Variants in TRPC4 observed in about 807,000 individuals in gnomAD.
TRPC4 encodes the protein transient receptor potential cation channel subfamily C member 4, also known as short transient receptor potential channel 4.
A neutral mutation model predicts 99.4 loss-of-function variants in TRPC4; 49 were observed. That is an observed-to-expected ratio of 0.49 (90% CI 0.39 to 0.63). The LOEUF is 0.63. TRPC4 is among the 20% of genes least tolerant of loss of function. The pLI is 0.00. For missense variants in TRPC4, 898 were observed against 1,152.9 expected (o/e 0.78, Z 3.20); for synonymous variants, 454 against 425.9 (o/e 1.07, Z -0.81).
rs930312543 is a variant in TRPC4, at chr13:37,635,940, T to C, written c.*963A>G. 1.3e-5 allele frequency among the ~76,000 whole-genome samples: 2 copies of C among 152,114 alleles called. No individual in the cohort carries two copies. The highest frequency in any genetic ancestry group is 2.9e-5 in the Non-Finnish European group (2 of 67,988). On this transcript the variant is annotated 3_prime_UTR_variant, in exon 11 of 11. Transcript: ENST00000379705. ...GAGACTGCTAGTTTTTTTGTACTTC[T>C]TTTGAATTGATTACAATATTGCGTT...
At chr13:37,728,208 GAA>G (rs58297762) in intron 3 of TRPC4, among the ~76,000 whole-genome samples, 2 of 146,372 alleles carry the variant, frequency 1.4e-5, no homozygotes, top group Non-Finnish European at 3.0e-5. Flanking sequence ...ATGTGAAAAA[GAA>G]AAAAAAAAGT....
intron 1 of TRPC4, among the ~76,000 whole-genome samples, chr13:37,811,033 C>G (rs1226335875): frequency 6.6e-6 from 1 of 152,060 alleles, no homozygotes; most frequent in Non-Finnish European, 1.5e-5. Flanking sequence ...GATCTTCTTT[C>G]AAATACATTG....
intron 3 of TRPC4, among the ~76,000 whole-genome samples, chr13:37,717,410 G>C (rs149353505): frequency 6.6e-6 from 1 of 152,096 alleles, no homozygotes; most frequent in Non-Finnish European, 1.5e-5. Flanking sequence ...TATTAGCAAC[G>C]TGGGTCTAGA....
chr13:37,648,714 C>T (rs1039144472), intron 8 of TRPC4, among the ~76,000 whole-genome samples: 3 of 152,164 alleles, frequency 2.0e-5, no homozygotes, highest in African/African-American at 7.2e-5. Flanking sequence ...GAGAATGAAT[C>T]ACTACTTTAA....
At chr13:37,763,068 C>T (rs1225574492) in intron 2 of TRPC4, among the ~76,000 whole-genome samples, 1 of 150,516 alleles carries the variant, frequency 6.6e-6, no homozygotes, top group Non-Finnish European at 1.5e-5. Context: ...GATTTTTGTG[C>T]AATAGTAAAG....
intron 3 of TRPC4, 88 bp downstream of exon 3, chr13:37,745,849 A>C: frequency 4.9e-5 from 72 of 1,474,838 alleles, no homozygotes; most frequent in Non-Finnish European, 5.7e-5. Context: ...AATGCTCTAA[A>C]ACCCAAAACT....
intron 3 of TRPC4, 149 bp downstream of exon 3, chr13:37,745,788 A>T: frequency 1.1e-6 from 1 of 931,214 alleles, no homozygotes; most frequent in Non-Finnish European, 1.6e-6. Flanking sequence ...TGTGATTCAT[A>T]ATTATTAATC....
At position 37,674,115 on chromosome 13, in the gene TRPC4, T is replaced by C. The variant is rs1472666826; in HGVS notation, c.1374+113A>G. On this transcript the variant is annotated intron_variant, in intron 5 of 10. Transcript: ENST00000379705. Reference sequence around the variant, plus strand: ...ATCAATAAAACCATGAGCTGATGAATACGACATCCGGAAAAAGCTCTAGGT... The same window carrying C: ...ATCAATAAAACCATGAGCTGATGAACACGACATCCGGAAAAAGCTCTAGGT... 16 of 1,008,504 alleles carry C rather than the reference T, an allele frequency of 1.6e-5. No homozygotes were observed. In the Admixed American group the frequency reaches 5.2e-4, roughly 33 times the overall value. 62.5% of individuals were successfully genotyped at this position (1,008,504 alleles called of 1,614,324 possible). A position where few individuals can be genotyped will look rare whatever the true frequency, so the allele number is the denominator to read the frequency against.
chr13:37,637,205 C>T lies in TRPC4; in HGVS notation c.2632G>A (p.Gly878Arg). The T allele has an allele frequency of 1.9e-6, 3 of 1,613,890 alleles. No individual in the cohort carries two copies. The highest frequency in any genetic ancestry group is 2.5e-6 in the Non-Finnish European group (3 of 1,179,876). The change falls in exon 11 of 11, where the codon GGA becomes AGA. Residue 878 changes from glycine to arginine, a missense_variant. Coordinates refer to ENST00000379705, the MANE Select transcript of TRPC4 (RefSeq NM_016179.4). Reference sequence around the variant, plus strand: ...AGTTGAATATTTCTCTCAAGTGGTCCTGCAGCCTGTTGACGAGCAACTTCT... The same window carrying T: ...AGTTGAATATTTCTCTCAAGTGGTCTTGCAGCCTGTTGACGAGCAACTTCT... ...SEEVARQQAA[G>R]PLERNIQLES... is the part of the protein sequence containing the mutation.
chr13:37,814,656 C>G (rs910804271), intron 1 of TRPC4, among the ~76,000 whole-genome samples: 1 of 151,754 alleles, frequency 6.6e-6, no homozygotes, highest in Non-Finnish European at 1.5e-5. Flanking sequence ...TACACAAAAA[C>G]TGCAGAATGT....
At chr13:37,673,300 ACTTCAGACAATTTTGCTT>A (rs1285602865) in intron 5 of TRPC4, among the ~76,000 whole-genome samples, 4 of 151,940 alleles carry the variant, frequency 2.6e-5, no homozygotes, top group Non-Finnish European at 4.4e-5. Context: ...GCTGCATCCA[ACTTCAGACAATTTTGCTT>A]CTGTCATACC....
rs1951410083 is a variant in TRPC4, at chr13:37,632,186, T to C, written c.*4717A>G. Among the ~76,000 whole-genome samples, 1 of 152,200 alleles carries C rather than the reference T, an allele frequency of 6.6e-6. No individual in the cohort carries two copies. The highest frequency in any genetic ancestry group is 6.5e-5 in the Admixed American group (1 of 15,270). On this transcript the variant is annotated 3_prime_UTR_variant, in exon 11 of 11. Coordinates refer to ENST00000379705, the MANE Select transcript of TRPC4 (RefSeq NM_016179.4). ...ATGAGCTGACTGAAACAAATACAAA[T>C]GTTCCTGAGCAGCACTGTCCAATAG...
At chr13:37,812,197 C>CAAAAAAAAAAAAAAAAAAAAAAAAAAA (rs1156963631) in intron 1 of TRPC4, among the ~76,000 whole-genome samples, 153 of 111,122 alleles carry the variant, frequency 1.4e-3, no homozygotes, top group African/African-American at 2.7e-3. Flanking sequence ...AAAAAAAAAC[C>CAAAAAAAAAAAAAAAAAAAAAAAAAAA]AGGAGATCTA....
intron 1 of TRPC4, among the ~76,000 whole-genome samples, chr13:37,832,285 T>C (rs1958444685): frequency 6.6e-6 from 1 of 152,218 alleles, no homozygotes. Flanking sequence ...CTGTAGCCTG[T>C]AATCCCAGCA....
chr13:37,742,601 G>C (rs556929910), intron 3 of TRPC4, among the ~76,000 whole-genome samples: 6 of 152,260 alleles, frequency 3.9e-5, no homozygotes, highest in Non-Finnish European at 7.4e-5. Flanking sequence ...CCTGCGGTGA[G>C]ACAAGACGTG....
chr13:37,644,632 A>C (rs1489683447), intron 8 of TRPC4, among the ~76,000 whole-genome samples: 1 of 152,014 alleles, frequency 6.6e-6, no homozygotes, highest in African/African-American at 2.4e-5. Flanking sequence ...GCACTCTGGG[A>C]GGCCGAAGAG....
At chr13:37,695,760 G>A (rs982617016) in intron 3 of TRPC4, among the ~76,000 whole-genome samples, 1 of 152,044 alleles carries the variant, frequency 6.6e-6, no homozygotes, top group African/African-American at 2.4e-5. Flanking sequence ...CTGAGTCATG[G>A]GATTCCAAAT....
chr13:37,862,607 T>G (rs1186342490), intron 1 of TRPC4, among the ~76,000 whole-genome samples: 1 of 151,690 alleles, frequency 6.6e-6, no homozygotes, highest in African/African-American at 2.4e-5. Context: ...GTTATTTATT[T>G]AATGAGTTCA....
At chr13:37,663,087 T>C (rs1370088149) in intron 6 of TRPC4, among the ~76,000 whole-genome samples, 1 of 152,244 alleles carries the variant, frequency 6.6e-6, no homozygotes, top group Non-Finnish European at 1.5e-5. Flanking sequence ...ATGTTCTATC[T>C]TTTAATGTAC....
Sources: gnomAD v4.1 joint callset for allele counts (sites outside exome capture counted in the v4.1 genomes callset) on GRCh38, gnomAD v4.1.1 for gene constraint, MANE v1.5 for transcripts, NCBI Gene and HGNC (gene_info 2026-07-23, HGNC 2026-07-21) for gene names.